The following SHANK1 variants were observed in gnomAD, a reference collection of about 807,000 sequenced individuals.
The protein encoded by SHANK1 is SH3 and multiple ankyrin repeat domains protein 1.
A neutral mutation model predicts 165.6 loss-of-function variants in SHANK1; 35 were observed. That is an observed-to-expected ratio of 0.21 (90% CI 0.16 to 0.28). The LOEUF (loss-of-function observed/expected upper bound fraction) is 0.28. Ranked by LOEUF, SHANK1 falls within the 10% of genes least tolerant of loss-of-function variation. The pLI, the probability that SHANK1 is intolerant of heterozygous loss-of-function variation, is 1.00. For missense variants in SHANK1, 2,681 were observed against 3,036.4 expected (o/e 0.88, Z 2.75); for synonymous variants, 1,428 against 1,384.8 (o/e 1.03, Z -0.69).
chr19:50,671,712 G>A (rs772555202), intron 22 of SHANK1, among the ~76,000 whole-genome samples: 5 of 151,982 alleles, frequency 3.3e-5, no homozygotes, highest in Admixed American at 2.0e-4. Flanking sequence ...GGATGGAATC[G>A]GGTATAAGAG....
rs1985266651 is a variant in SHANK1 at position 50,662,245 on chromosome 19, A to G, written c.6206T>C (p.Leu2069Ser). The change falls in exon 24 of 24, where the codon TTG (leucine) becomes TCG (serine). Residue 2069 changes from leucine (L) to serine (S), a missense_variant. Leu to Ser is a moderately radical substitution (Grantham distance 145). Transcript: ENST00000293441. This position sits in a 1 kb window ranked among gnomAD's most constrained non-coding sequence, Gnocchi z 7.7. ...PGISGGLGGA[L>S]SGASRSLSPT... ...TGAGAGGGAGCGCGAGGCCCCTGAC[A>G]AGGCTCCCCCGAGCCCCCCGGATAT... The G allele has an allele frequency of 6.2e-7, 1 of 1,610,564 alleles. No homozygotes were observed. The highest frequency in any genetic ancestry group is 1.3e-5 in the African/African-American group (1 of 74,882).
chr19:50,666,271 C>T lies in SHANK1; in HGVS notation c.5689G>A (p.Gly1897Ser), dbSNP rs749935034. The stretch of plus-strand genomic sequence containing the variant: ...TGGCTGTCTCCGCCTCCCCCACTGC[C>T]TCCTCGGGCCCAGGGCAGAGCGCCG... The part of the protein sequence containing the change: ...AGGALPWARG[G>S]SGGGGDSHHG... Residue 1897 changes from glycine (G) to serine (S), a missense_variant, in exon 23 of 24, where the codon GGC becomes AGC. Physicochemically the swap from Gly to Ser is moderately conservative, Grantham distance 56. This residue lies in a region of SHANK1 where 1,713 missense variants were observed against 1,630.2 expected (regional missense o/e 1.05). Coordinates refer to ENST00000293441, the MANE Select transcript of SHANK1 (RefSeq NM_016148.5). The T allele has an allele frequency of 3.7e-6, 6 of 1,611,278 alleles. No homozygotes were observed. The highest frequency in any genetic ancestry group is 3.3e-5 in the Admixed American group (2 of 59,752).
Position 50,697,195 on chromosome 19 carries a change from A to G in SHANK1, c.1938-73T>C. The G allele has an allele frequency of 1.2e-6, 2 of 1,601,136 alleles. No individual in the cohort carries two copies. Among genetic ancestry groups the G allele is most frequent in the Non-Finnish European group, 1.7e-6 (2 of 1,172,126 alleles). ...GCACCCATCTCCTCACCCCAATCCCACCCAGCCCTGACTGCACCCTCCCCA... is the reference window on the plus strand; with the variant it reads ...GCACCCATCTCCTCACCCCAATCCCGCCCAGCCCTGACTGCACCCTCCCCA... On this transcript the variant is annotated intron_variant, in intron 14 of 23. Transcript: ENST00000293441. The surrounding 1 kb of genome is among the most constrained non-coding windows in gnomAD (Gnocchi z 4.7).
chr19:50,711,476 C>T lies in SHANK1; in HGVS notation c.972G>A (p.Arg324=), dbSNP rs774400932. The T allele has an allele frequency of 6.4e-7, 1 of 1,573,364 alleles. No individual in the cohort carries two copies. The highest frequency in any genetic ancestry group is 1.2e-5 in the South Asian group (1 of 85,384). Residue 324 remains arginine, a synonymous_variant, in exon 8 of 24, where the codon CGG becomes CGA. Transcript: ENST00000293441. ...GATGCTCCAGGTGCTGAGAGTGACC[C>T]CGCTGGCAGGCCTGGGCAGGACAGG... ...GWQEIHQACQ[R]GHSQHLEHLL...
chr19:50,704,821 A>T (rs1428891011), intron 8 of SHANK1, among the ~76,000 whole-genome samples: 1 of 150,124 alleles, frequency 6.7e-6, no homozygotes, highest in Non-Finnish European at 1.5e-5. Context: ...TAATCCTAAG[A>T]CTGTGGGAGG....
In SHANK1 at chr19:50,659,279, T is replaced by A; in HGVS notation, c.*2686A>T. On this transcript the variant is annotated 3_prime_UTR_variant, in exon 24 of 24. Transcript: ENST00000293441. The stretch of plus-strand genomic sequence containing the variant: ...CTCGAGGGGGTGGATACTGTGAGTT[T>A]AATTATAAAGAATGACCTGGTACAA... The A allele has an allele frequency of 3.0e-6, 2 of 664,548 alleles. No individual in the cohort carries two copies. Among genetic ancestry groups the A allele is most frequent in the Non-Finnish European group, 4.3e-6 (2 of 466,726 alleles). The allele number at this position is 664,548 out of a possible 1,614,324, so 41.2% of individuals were successfully genotyped here.
At chr19:50,703,427 CG>C (rs2088894507) in intron 11 of SHANK1, 72 bp downstream of exon 11, 3 of 1,340,636 alleles carry the variant, frequency 2.2e-6, no homozygotes, top group South Asian at 1.3e-5. Flanking sequence ...GGGCTGGCCT[CG>C]GGGGAAGCCG....
rs754045524 is a variant in SHANK1 at position 50,668,244 on chromosome 19, G to T, written c.3716C>A (p.Ala1239Glu). Residue 1239 changes from alanine (A) to glutamate (E), a missense_variant, in exon 23 of 24, where the codon GCG (alanine) becomes GAG (glutamate). Around this residue, in one of 10 missense-constraint regions of SHANK1, gnomAD observed 1,713 missense variants for 1,630.2 expected, o/e 1.05. Transcript: ENST00000293441. ...CTGCCAGCCCCCCTCCCTCCGGGCC[G>T]CCCCCACCAGGGCGGCCCCGAACTG... is the stretch of plus-strand genomic sequence containing the variant. ...TSQFGAALVG[A>E]ARREGGWQNE... The T allele has an allele frequency of 6.9e-7, 1 of 1,448,038 alleles. No individual in the cohort carries two copies. Among genetic ancestry groups the T allele is most frequent in the South Asian group, 1.4e-5 (1 of 68,990 alleles). The allele number at this position is 1,448,038 out of a possible 1,614,324, so 89.7% of individuals were successfully genotyped here.
rs765695607 is a variant in SHANK1, at chr19:50,672,123, C to T, written c.2578-9G>A. On this transcript the variant is annotated splice_polypyrimidine_tract_variant and intron_variant, in intron 21 of 23. Coordinates refer to ENST00000293441, the MANE Select transcript of SHANK1 (RefSeq NM_016148.5). ...TGGGGATCGAAGCTCGACTTTGGAG[C>T]GGCAGTCAGAGGGGGAGAGAGAGAA... 8.7e-6 allele frequency: 14 copies of T among 1,609,084 alleles called. No individual in the cohort carries two copies. The East Asian group carries it at 2.0e-4, about 23-fold the overall frequency.
At position 50,686,660 on chromosome 19, in the gene SHANK1, C is replaced by T. The variant is rs1986347962; in HGVS notation, c.2458+84G>A. The T allele has an allele frequency of 1.5e-6, 2 of 1,307,520 alleles. No homozygotes were observed. The highest frequency in any genetic ancestry group is 1.5e-5 in the African/African-American group (1 of 67,572). 81.0% of individuals were successfully genotyped at this position (1,307,520 alleles called of 1,614,324 possible). On this transcript the variant is annotated intron_variant, in intron 20 of 23. Transcript: ENST00000293441. The surrounding 1 kb of genome is among the most constrained non-coding windows in gnomAD (Gnocchi z 5.7). ...TCTGGGGCAGGAAGGTGAGGGGCGC[C>T]GTGGGGTTCATGGTGGGACAGGGAT...
Position 50,662,692 on chromosome 19 carries a change from G to T in SHANK1, c.5769-10C>A. 1 of 1,558,278 alleles carries T rather than the reference G, an allele frequency of 6.4e-7. No individual in the cohort carries two copies. The highest frequency in any genetic ancestry group is 1.2e-5 in the South Asian group (1 of 84,516). ...GGAGTCGTCGGAGAGTCTGGAATGT[G>T]ACAAGGGGGCAGTGGGGGAGGACAG... On this transcript the variant is annotated splice_polypyrimidine_tract_variant and intron_variant, in intron 23 of 23. Transcript: ENST00000293441. The surrounding 1 kb of genome is among the most constrained non-coding windows in gnomAD (Gnocchi z 7.7).
chr19:50,705,682 T>A lies in SHANK1; in HGVS notation c.1078-1168A>T, dbSNP rs1568442829. Among the ~76,000 whole-genome samples the A allele has an allele frequency of 2.0e-5, 3 of 152,272 alleles. No individual in the cohort carries two copies. In the East Asian group the frequency reaches 5.8e-4, roughly 29 times the overall value. On this transcript the variant is annotated intron_variant, in intron 8 of 23. Transcript: ENST00000293441. Reference sequence around the variant, plus strand: ...AAAAATGTCTCTAGACATTGCCAAGTGTCCCCTGGGAGACAGAAGCTCCCA... The same window carrying A: ...AAAAATGTCTCTAGACATTGCCAAGAGTCCCCTGGGAGACAGAAGCTCCCA...
intron 21 of SHANK1, among the ~76,000 whole-genome samples, chr19:50,676,298 G>GTC (rs1386525817): frequency 6.6e-6 from 1 of 152,130 alleles, no homozygotes; most frequent in African/African-American, 2.4e-5. Context: ...ACAAGACCTT[G>GTC]TCTCAAAATA....
At chr19:50,687,184 G>A (rs752672750) in intron 19 of SHANK1, 25 of 515,106 alleles carry the variant, frequency 4.9e-5, no homozygotes, top group Non-Finnish European at 7.9e-5. Flanking sequence ...CAGGGGAAAT[G>A]GGACCCCCAG....
chr19:50,707,827 G>T (rs551979298), intron 8 of SHANK1, among the ~76,000 whole-genome samples: 2 of 152,098 alleles, frequency 1.3e-5, no homozygotes, highest in Non-Finnish European at 2.9e-5. Context: ...GTATGCCCGT[G>T]CTGCTGGCCA....
rs71355164 is a variant in SHANK1 at position 50,688,403 on chromosome 19, C to T, written c.2173-345G>A. 3.3e-5 allele frequency among the ~76,000 whole-genome samples: 5 copies of T among 152,174 alleles called. No homozygotes were observed. Among genetic ancestry groups the T allele is most frequent in the East Asian group, 3.9e-4 (2 of 5,182 alleles). ...GCCCAATCATGGCTCACTGCACCCT[C>T]GACTTCCTGGGCTCAAGCAATTCTC... On this transcript the variant is annotated intron_variant, in intron 17 of 23. Transcript: ENST00000293441. This position sits in a 1 kb window ranked among gnomAD's most constrained non-coding sequence, Gnocchi z 6.7.
chr19:50,668,871 C>T lies in SHANK1; in HGVS notation c.3089G>A (p.Gly1030Asp). 2 of 1,289,566 alleles carry T rather than the reference C, an allele frequency of 1.6e-6. No homozygotes were observed. The highest frequency in any genetic ancestry group is 2.0e-6 in the Non-Finnish European group (2 of 1,024,368). The allele number at this position is 1,289,566 out of a possible 1,614,324, so 79.9% of individuals were successfully genotyped here. A position where few individuals can be genotyped will look rare whatever the true frequency, so the allele number is the denominator to read the frequency against. Residue 1030 changes from glycine (G) to aspartate (D), a missense_variant, in exon 23 of 24, where the codon GGC becomes GAC. Transcript: ENST00000293441. ...PPHPPEMETGGSPDDPPPRLA... is the reference protein window; with the variant it reads ...PPHPPEMETGDSPDDPPPRLA... ...GCGGGGTGGAGGGTCGTCGGGAGAG[C>T]CGCCTGTCTCCATCTCGGGAGGATG...
At chr19:50,701,536 G>A (rs1986916369) in intron 12 of SHANK1, among the ~76,000 whole-genome samples, 1 of 151,926 alleles carries the variant, frequency 6.6e-6, no homozygotes, top group South Asian at 2.1e-4. Context: ...GGAAACATTG[G>A]TCTAAGTACT....
intron 21 of SHANK1, among the ~76,000 whole-genome samples, chr19:50,676,915 G>T (rs929093403): frequency 6.6e-6 from 1 of 152,098 alleles, no homozygotes; most frequent in African/African-American, 2.4e-5. Flanking sequence ...AGGCAGCAAG[G>T]TGCCCTCTTT....
Sources: gnomAD v4.1 joint callset for allele counts (sites outside exome capture counted in the v4.1 genomes callset) on GRCh38, gnomAD v4.1.1 for gene constraint, gnomAD v4.1.1 regional missense constraint, Gnocchi (gnomAD v3.1) non-coding constraint, MANE v1.5 for transcripts, NCBI Gene and HGNC (gene_info 2026-07-23, HGNC 2026-07-21) for gene names.